Variants in NAT10 observed in about 807,000 individuals in gnomAD.
NAT10 encodes the protein N-acetyltransferase 10, also known as RNA cytidine acetyltransferase.
Under a neutral mutation model 132.2 loss-of-function variants are expected in NAT10, and 109 were observed. That is an observed-to-expected ratio of 0.82 (90% confidence interval 0.71 to 0.97). The LOEUF is 0.97. Among genes scored for constraint, NAT10 ranks in the 50% least tolerant of loss-of-function variants. The pLI is 0.00. For missense variants in NAT10, 1,184 were observed against 1,263.4 expected, an observed-to-expected ratio of 0.94 and a Z score of 0.95; for synonymous variants, 479 against 478.0, an observed-to-expected ratio of 1.00 and a Z score of -0.03.
chr11:34,131,163 T>C (rs1268215527), intron 13 of NAT10, among the ~76,000 whole-genome samples: 1 of 152,144 alleles, frequency 6.6e-6, no homozygotes. Flanking sequence ...TGTGTGTCCT[T>C]GTCTCAGGGC....
chr11:34,107,723 C>T (rs192750174), intron 1 of NAT10, among the ~76,000 whole-genome samples: 151 of 152,200 alleles, frequency 9.9e-4, no homozygotes, highest in South Asian at 1.5e-3. Flanking sequence ...GTCAAGAGAT[C>T]GAGACCATCC....
In NAT10 at chr11:34,140,383, C is replaced by G. The variant is rs762055991; in HGVS notation, c.2420-17C>G. 1.9e-6 allele frequency: 3 copies of G among 1,608,676 alleles called. No individual in the cohort carries two copies. The highest frequency in any genetic ancestry group is 3.3e-5 in the Admixed American group (2 of 59,896). On this transcript the variant is annotated splice_polypyrimidine_tract_variant and intron_variant, in intron 23 of 28. Coordinates refer to ENST00000257829, the MANE Select transcript of NAT10 (RefSeq NM_024662.3). ...GCCGGGTGACCTAACCTGTCTAGCT[C>G]TCTATCCCATGGACAGCCCTGAGCC...
At chr11:34,122,136 A>G (rs1178945884) in intron 8 of NAT10, among the ~76,000 whole-genome samples, 6 of 152,126 alleles carry the variant, frequency 3.9e-5, no homozygotes, top group East Asian at 1.9e-4. Context: ...AGATCGCACC[A>G]TTGCACTCCA....
chr11:34,144,988 C>T (rs539624194), intron 28 of NAT10, among the ~76,000 whole-genome samples: 15 of 152,356 alleles, frequency 9.8e-5, no homozygotes, highest in African/African-American at 2.9e-4. Flanking sequence ...GCATCGATGC[C>T]GGCCTCATTT....
chr11:34,142,004 G>T (rs370818087), intron 26 of NAT10, 187 bp downstream of exon 26: 6 of 628,394 alleles, frequency 9.5e-6, no homozygotes, highest in African/African-American at 1.8e-5. Flanking sequence ...GCCTAGAGTT[G>T]TGCCTCCCAC....
chr11:34,106,183 C>G (rs1851591529), intron 1 of NAT10: 1 of 152,308 alleles, frequency 6.6e-6, no homozygotes, highest in South Asian at 2.1e-4. Flanking sequence ...GTTCTTAAAT[C>G]CTTCACTGTG....
At chr11:34,106,899 G>A (rs753779117) in intron 1 of NAT10, among the ~76,000 whole-genome samples, 1 of 152,232 alleles carries the variant, frequency 6.6e-6, no homozygotes, top group African/African-American at 2.4e-5. Context: ...TAATGCAGTA[G>A]GTACCAGAGT....
intron 19 of NAT10, among the ~76,000 whole-genome samples, chr11:34,135,836 G>A (rs185789906): frequency 7.9e-5 from 12 of 151,188 alleles, no homozygotes; most frequent in East Asian, 4.0e-4. Flanking sequence ...GGTGGTGCAC[G>A]CCTGTAGTCC....
intron 2 of NAT10, 69 bp from the exon 3 acceptor site, chr11:34,108,673 A>T: frequency 7.2e-7 from 1 of 1,386,506 alleles, no homozygotes; most frequent in Non-Finnish European, 1.0e-6. Context: ...CCGTCAAATG[A>T]GGTCTTAAGC....
In NAT10 at chr11:34,118,416, T is replaced by A. The variant is rs1162399625; in HGVS notation, c.693T>A (p.Ser231=). 2 of 1,614,158 alleles carry A rather than the reference T, an allele frequency of 1.2e-6. No individual in the cohort carries two copies. The highest frequency in any genetic ancestry group is 1.7e-6 in the Non-Finnish European group (2 of 1,180,010). Reference sequence around the variant, plus strand: ...GGTAGGATGAGAGTCTTGGTCCTTCTGATCTGGAGCTGAGGGAGTTGAAGG... The same window carrying A: ...GGTAGGATGAGAGTCTTGGTCCTTCAGATCTGGAGCTGAGGGAGTTGAAGG... ...PQTPDESLGP[S]DLELRELKES... The change falls in exon 8 of 29, where the codon TCT becomes TCA. Residue 231 remains serine (S), a synonymous_variant. Coordinates refer to ENST00000257829, the MANE Select transcript of NAT10 (RefSeq NM_024662.3).
rs1380917364 is a variant in NAT10 at position 34,136,960 on chromosome 11, GTCTT to G, written c.2163-16_2163-13del. 9 of 1,614,072 alleles carry G rather than the reference GTCTT, an allele frequency of 5.6e-6. No homozygotes were observed. The highest frequency in any genetic ancestry group is 7.6e-6 in the Non-Finnish European group (9 of 1,180,048). On this transcript the variant is annotated splice_polypyrimidine_tract_variant and intron_variant, in intron 20 of 28. Transcript: ENST00000257829. ...CAGAGGCCACACACAGTGACCTACT[GTCTT>G]TGTATCTTTGCAGGTTCTGGAAACG...
intron 23 of NAT10, among the ~76,000 whole-genome samples, chr11:34,139,707 A>G (rs1280456144): frequency 2.0e-5 from 3 of 152,136 alleles, no homozygotes; most frequent in Non-Finnish European, 2.9e-5. Flanking sequence ...GTGCAATTTA[A>G]TGTCAGAGGT....
At chr11:34,116,203 T>A (rs886663501) in intron 6 of NAT10, among the ~76,000 whole-genome samples, 1 of 152,178 alleles carries the variant, frequency 6.6e-6, no homozygotes, top group African/African-American at 2.4e-5. Flanking sequence ...CCAGAAGATA[T>A]TTCATAGAGC....
chr11:34,137,010 A>T lies in NAT10; in HGVS notation c.2195A>T (p.Tyr732Phe), dbSNP rs1025147164. The change falls in exon 21 of 29, where the codon TAT becomes TTT. Residue 732 changes from tyrosine to phenylalanine, a missense_variant. Transcript: ENST00000257829. ...AAACGAGCTGGATTTGTTCCTGTTT[A>T]TCTGAGACAGACCCCGGTGAGTGAG... Reference protein sequence around the residue: ...FWKRAGFVPVYLRQTPNDLTG... With the variant: ...FWKRAGFVPVFLRQTPNDLTG... The T allele has an allele frequency of 6.2e-7, 1 of 1,614,178 alleles. No individual in the cohort carries two copies. Among genetic ancestry groups the T allele is most frequent in the Admixed American group, 1.7e-5 (1 of 60,012 alleles).
chr11:34,131,638 G>A (rs1852107072), intron 14 of NAT10, 107 bp downstream of exon 14: 3 of 1,183,404 alleles, frequency 2.5e-6, no homozygotes. Flanking sequence ...AGAGAAAGGG[G>A]AAAGTTGAAC....
chr11:34,131,648 C>T, intron 14 of NAT10, 117 bp downstream of exon 14: 1 of 783,624 alleles, frequency 1.3e-6, no homozygotes, highest in Non-Finnish European at 1.9e-6. Flanking sequence ...GAAAGTTGAA[C>T]ATTTTCAATT....
At position 34,134,270 on chromosome 11, in the gene NAT10, CTG is replaced by C. The variant is rs774666915; in HGVS notation, c.1735-47_1735-46del. The C allele has an allele frequency of 4.3e-5, 64 of 1,485,188 alleles. No homozygotes were observed. The South Asian group carries it at 6.6e-4, about 15-fold the overall frequency. 92.0% of individuals were successfully genotyped at this position (1,485,188 alleles called of 1,614,324 possible). A position where few individuals can be genotyped will look rare whatever the true frequency, so the allele number is the denominator to read the frequency against. The stretch of plus-strand genomic sequence containing the variant: ...ACAAGCTATATTCTGTGAGTGGGCT[CTG>C]TATCAGAGTTGGCCTTTCTGCCTGC... On this transcript the variant is annotated intron_variant, in intron 16 of 28. Transcript: ENST00000257829.
In NAT10 at chr11:34,112,058, G is replaced by T. The variant is rs762432265; in HGVS notation, c.207G>T (p.Arg69=). The T allele has an allele frequency of 6.2e-6, 10 of 1,614,136 alleles. No individual in the cohort carries two copies. The highest frequency in any genetic ancestry group is 5.1e-6 in the Non-Finnish European group (6 of 1,180,012). Reference sequence around the variant, plus strand: ...TGGGGGTGTGTGATTGCAGTCACCGGAAGAAAAGAATGCGACAGCTGCAGA... The same window carrying T: ...TGGGGGTGTGTGATTGCAGTCACCGTAAGAAAAGAATGCGACAGCTGCAGA... ...YKKELGFSSH[R]KKRMRQLQKK... Residue 69 remains arginine (R), a synonymous_variant, in exon 4 of 29, where the codon CGG becomes CGT. Transcript: ENST00000257829.
chr11:34,137,683 G>A (rs1852242531), intron 21 of NAT10, among the ~76,000 whole-genome samples: 1 of 152,204 alleles, frequency 6.6e-6, no homozygotes, highest in African/African-American at 2.4e-5. Context: ...TTTGTTGAGT[G>A]AATGAAAAAT....
Sources: allele counts gnomAD v4.1 joint callset (sites outside exome capture counted in the v4.1 genomes callset), GRCh38; gene constraint gnomAD v4.1.1; transcripts MANE v1.5; gene names NCBI Gene and HGNC (gene_info 2026-07-23, HGNC 2026-07-21).